PCCA: variants seen among roughly 807,000 people sequenced by gnomAD.
PCCA encodes the protein propionyl-CoA carboxylase subunit alpha, also known as propionyl-CoA carboxylase alpha chain, mitochondrial.
Under a neutral mutation model 101.3 loss-of-function variants are expected in PCCA, and 74 were observed. That is an observed-to-expected ratio of 0.73 (90% CI 0.61 to 0.89). PCCA has a LOEUF of 0.89. Ranked by LOEUF, PCCA falls within the 40% of genes least tolerant of loss-of-function variation. PCCA has a pLI of 0.00. For missense variants in PCCA, 891 were observed against 907.0 expected (o/e 0.98, Z 0.23); for synonymous variants, 294 against 313.6 (o/e 0.94, Z 0.66).
chr13:100,515,094 G>A (rs1476026429), intron 21 of PCCA, among the ~76,000 whole-genome samples: 2 of 152,090 alleles, frequency 1.3e-5, no homozygotes, highest in African/African-American at 4.8e-5. Flanking sequence ...TCCTTGATAG[G>A]GATAAGTTTG....
chr13:100,244,828 A>G (rs1229734852), intron 8 of PCCA, among the ~76,000 whole-genome samples: 1 of 151,998 alleles, frequency 6.6e-6, no homozygotes, highest in Non-Finnish European at 1.5e-5. Context: ...TTAGTGTATA[A>G]TACATCTGGA....
At chr13:100,524,236 C>T (rs1352193735) in intron 22 of PCCA, among the ~76,000 whole-genome samples, 3 of 152,230 alleles carry the variant, frequency 2.0e-5, no homozygotes, top group East Asian at 1.9e-4. Context: ...AGCACGCCCT[C>T]GAGTGTCAGC....
chr13:100,443,969 A>G (rs748506922), intron 20 of PCCA, among the ~76,000 whole-genome samples: 2 of 152,100 alleles, frequency 1.3e-5, no homozygotes, highest in Non-Finnish European at 2.9e-5. Flanking sequence ...TTTCTAAAAC[A>G]TGAGCATGTC....
intron 12 of PCCA, among the ~76,000 whole-genome samples, chr13:100,290,218 T>TC (rs1267565138): frequency 6.6e-6 from 1 of 151,382 alleles, no homozygotes; most frequent in Non-Finnish European, 1.5e-5. Flanking sequence ...TCTCTCTCTC[T>TC]TTTTTTTTCT....
At chr13:100,217,474 A>G (rs370079396) in intron 7 of PCCA, among the ~76,000 whole-genome samples, 24 of 152,042 alleles carry the variant, frequency 1.6e-4, no homozygotes, top group East Asian at 1.4e-3. Context: ...GAAATTCTGT[A>G]ACTGCAAATA....
intron 9 of PCCA, among the ~76,000 whole-genome samples, chr13:100,261,196 G>T (rs1361681479): frequency 6.6e-6 from 1 of 152,056 alleles, no homozygotes; most frequent in Non-Finnish European, 1.5e-5. Context: ...AGGATCGGAA[G>T]AATTGGCTTT....
intron 18 of PCCA, among the ~76,000 whole-genome samples, chr13:100,354,672 G>A (rs568090472): frequency 1.3e-5 from 2 of 152,092 alleles, no homozygotes; most frequent in Non-Finnish European, 2.9e-5. Context: ...TATGCCTACT[G>A]ACCTTACAGA....
rs1595037864 is a variant in PCCA at position 100,269,575 on chromosome 13, C to A, written c.914+792C>A. ...GAGTTTGGTGTATGGGGCCTCATTT[C>A]TCATTTGATGCTAGGTTGCTATTTG... On this transcript the variant is annotated intron_variant, in intron 11 of 23. Coordinates refer to ENST00000376285, the MANE Select transcript of PCCA (RefSeq NM_000282.4). Among the ~76,000 whole-genome samples, 4 of 152,248 alleles carry A rather than the reference C, an allele frequency of 2.6e-5. No homozygotes were observed. The South Asian group carries it at 8.3e-4, about 32-fold the overall frequency.
intron 8 of PCCA, among the ~76,000 whole-genome samples, chr13:100,248,415 A>T (rs1438915548): frequency 6.6e-6 from 1 of 152,152 alleles, no homozygotes; most frequent in Non-Finnish European, 1.5e-5. Flanking sequence ...TAGAAATTTC[A>T]ACTTGGAGAC....
intron 21 of PCCA, among the ~76,000 whole-genome samples, chr13:100,509,826 T>TGTTTTG (rs1555326193): frequency 5.3e-5 from 8 of 149,568 alleles, no homozygotes; most frequent in South Asian, 2.1e-4. Flanking sequence ...TTTTGTGTTT[T>TGTTTTG]TTTTGTTTTG....
At chr13:100,357,226 A>G (rs1326357969) in intron 18 of PCCA, among the ~76,000 whole-genome samples, 3 of 152,232 alleles carry the variant, frequency 2.0e-5, no homozygotes, top group African/African-American at 4.8e-5. Flanking sequence ...TTAAATGTAT[A>G]TAGTCTGTTA....
chr13:100,440,351 G>T (rs150875774), intron 20 of PCCA, among the ~76,000 whole-genome samples: 37 of 151,034 alleles, frequency 2.4e-4, no homozygotes, highest in Admixed American at 6.0e-4. Flanking sequence ...TGTCCACACA[G>T]AATTTGAATC....
intron 19 of PCCA, among the ~76,000 whole-genome samples, chr13:100,370,686 A>G (rs1283232604): frequency 1.3e-5 from 2 of 152,202 alleles, no homozygotes; most frequent in African/African-American, 2.4e-5. Flanking sequence ...GCATATTTAA[A>G]TTTAGCTACT....
At chr13:100,276,213 C>CAAAAAAAAAAAA (rs59671834) in intron 12 of PCCA, among the ~76,000 whole-genome samples, 3 of 102,126 alleles carry the variant, frequency 2.9e-5, no homozygotes, top group East Asian at 2.5e-4. Flanking sequence ...TTGTCTGTAC[C>CAAAAAAAAAAAA]AAAAAAAAAA....
At chr13:100,380,756 A>C (rs998527402) in intron 19 of PCCA, among the ~76,000 whole-genome samples, 2 of 152,250 alleles carry the variant, frequency 1.3e-5, no homozygotes, top group South Asian at 4.1e-4. Flanking sequence ...GTTCAACATC[A>C]AGATTAAAAT....
intron 17 of PCCA, 126 bp from the exon 18 acceptor site, chr13:100,340,031 C>T: frequency 1.4e-6 from 1 of 714,856 alleles, no homozygotes; most frequent in Admixed American, 2.0e-5. Context: ...GTGCCTAGTA[C>T]AATCCTAGCT....
At chr13:100,469,734 C>G (rs1343481357) in intron 21 of PCCA, among the ~76,000 whole-genome samples, 2 of 150,018 alleles carry the variant, frequency 1.3e-5, no homozygotes. Flanking sequence ...AAGCCGAGAT[C>G]TCACCACTGC....
chr13:100,282,984 A>G (rs1207016898), intron 12 of PCCA, among the ~76,000 whole-genome samples: 1 of 152,048 alleles, frequency 6.6e-6, no homozygotes, highest in Non-Finnish European at 1.5e-5. Context: ...TGTCCCCTTC[A>G]AGCTGTAGGG....
chr13:100,130,355 T>C, intron 4 of PCCA, among the ~76,000 whole-genome samples: 1 of 152,262 alleles, frequency 6.6e-6, no homozygotes, highest in East Asian at 1.9e-4. Flanking sequence ...GACAGAATGC[T>C]GTCTGGAGAT....
Sources: gnomAD v4.1 joint callset for allele counts (sites outside exome capture counted in the v4.1 genomes callset) on GRCh38, gnomAD v4.1.1 for gene constraint, MANE v1.5 for transcripts, NCBI Gene and HGNC (gene_info 2026-07-23, HGNC 2026-07-21) for gene names.